The following KIF4A variants were observed in gnomAD, a reference collection of about 807,000 sequenced individuals.
The protein encoded by KIF4A is kinesin family member 4A.
Under a neutral mutation model 105.9 loss-of-function variants are expected in KIF4A, and 7 were observed. The observed-to-expected ratio is 0.07, with a 90% CI of 0.04 to 0.12. The LOEUF (loss-of-function observed/expected upper bound fraction) is 0.12, where lower values mean the gene tolerates loss of function less well. KIF4A is among the 10% of genes least tolerant of loss of function. KIF4A has a pLI of 1.00. For missense variants in KIF4A, 558 were observed against 929.2 expected (o/e 0.60, Z 5.19); for synonymous variants, 281 against 331.3 (o/e 0.85, Z 1.65).
chrX:70,316,401 T>G (rs2085869356), intron 7 of KIF4A, among the ~76,000 whole-genome samples: 1 of 111,278 alleles, frequency 9.0e-6, no homozygotes, highest in African/African-American at 3.3e-5. Context: ...TATCCCTACT[T>G]TTTGTTGTGA....
chrX:70,349,609 C>T lies in KIF4A; in HGVS notation c.1432-2991C>T, dbSNP rs561394843. On this transcript the variant is annotated intron_variant, in intron 13 of 30. Coordinates refer to ENST00000374403, the MANE Select transcript of KIF4A (RefSeq NM_012310.5). ...GCAGAGATGCTCCTCACATCCCAGA[C>T]GGGGTGGTGGCCGGGCAGAGGCGCT... Among the ~76,000 whole-genome samples the T allele has an allele frequency of 8.9e-4, 77 of 86,110 alleles. 2 individuals carry two copies. The South Asian group carries it at 0.048, about 53-fold the overall frequency. The allele number at this position is 86,110 out of a possible 115,157, so 74.8% of individuals were successfully genotyped here.
chrX:70,405,693 G>A, intron 25 of KIF4A, 135 bp from the exon 26 acceptor site: 1 of 482,980 alleles, frequency 2.1e-6, no homozygotes, highest in Admixed American at 3.1e-5. Flanking sequence ...TTTTCTGGGT[G>A]CCAGTGCCTG....
At chrX:70,382,956 G>A (rs757021547) in intron 18 of KIF4A, among the ~76,000 whole-genome samples, 72 of 111,106 alleles carry the variant, frequency 6.5e-4, no homozygotes, top group African/African-American at 2.1e-3. Context: ...AGGCCAAGGC[G>A]GGCGGATCAC....
intron 11 of KIF4A, 66 bp from the exon 12 acceptor site, chrX:70,343,637 A>G (rs1462545248): frequency 4.0e-6 from 4 of 989,666 alleles, no homozygotes; most frequent in African/African-American, 1.9e-5. Context: ...TCATAGGAGT[A>G]GGAGAGCATA....
intron 15 of KIF4A, among the ~76,000 whole-genome samples, chrX:70,357,266 A>G (rs1160011340): frequency 2.7e-5 from 3 of 112,068 alleles, no homozygotes; most frequent in Non-Finnish European, 5.6e-5. Flanking sequence ...GTGAGCCGAG[A>G]TCACGCCACT....
chrX:70,340,222 A>G (rs2085967185), intron 10 of KIF4A, among the ~76,000 whole-genome samples: 1 of 111,916 alleles, frequency 8.9e-6, no homozygotes, highest in Non-Finnish European at 1.9e-5. Context: ...CATAGGGGCT[A>G]TTGGGAGAAC....
chrX:70,401,903 G>A (rs2086283878), intron 22 of KIF4A, among the ~76,000 whole-genome samples: 1 of 111,566 alleles, frequency 9.0e-6, no homozygotes, highest in African/African-American at 3.3e-5. Context: ...TGAAGCACAT[G>A]CTGGTATACT....
At chrX:70,358,569 A>G (rs1017583682) in intron 15 of KIF4A, among the ~76,000 whole-genome samples, 4 of 111,697 alleles carry the variant, frequency 3.6e-5, no homozygotes, top group African/African-American at 1.3e-4. Flanking sequence ...TGCATAGCCC[A>G]TCTCTAAGAA....
intron 18 of KIF4A, among the ~76,000 whole-genome samples, chrX:70,386,294 A>T (rs1392352021): frequency 9.0e-6 from 1 of 111,153 alleles, no homozygotes; most frequent in East Asian, 2.8e-4. Context: ...ATAACTACCT[A>T]TGTGGAAAGG....
chrX:70,375,913 C>T (rs2086173182), intron 17 of KIF4A, among the ~76,000 whole-genome samples, 187 bp from the exon 18 acceptor site: 1 of 111,552 alleles, frequency 9.0e-6, no homozygotes, highest in African/African-American at 3.3e-5. Context: ...ACTTGTATAG[C>T]CTGTACTTGG....
chrX:70,393,212 T>C (rs1027405287), intron 20 of KIF4A, among the ~76,000 whole-genome samples: 1 of 111,427 alleles, frequency 9.0e-6, no homozygotes, highest in Non-Finnish European at 1.9e-5. Context: ...AGAAGTGTTA[T>C]GTAGTTTCCA....
At chrX:70,351,924 AT>A (rs1453741701) in intron 13 of KIF4A, among the ~76,000 whole-genome samples, 4 of 109,454 alleles carry the variant, frequency 3.7e-5, no homozygotes, top group African/African-American at 1.3e-4. Flanking sequence ...CGCCCGGCTA[AT>A]TTTTTTTGTA....
At chrX:70,340,638 A>G (rs1435204082) in intron 10 of KIF4A, among the ~76,000 whole-genome samples, 1 of 111,898 alleles carries the variant, frequency 8.9e-6, no homozygotes, top group Non-Finnish European at 1.9e-5. Context: ...TAAATGCTCA[A>G]CAGTGTAATA....
chrX:70,328,407 A>G (rs1479338811), intron 7 of KIF4A, among the ~76,000 whole-genome samples: 1 of 111,356 alleles, frequency 9.0e-6, no homozygotes, highest in East Asian at 2.8e-4. Context: ...TCAGGCACCA[A>G]TCCCATCCAT....
At chrX:70,374,375 G>A in intron 16 of KIF4A, 121 bp downstream of exon 16, 1 of 430,325 alleles carries the variant, frequency 2.3e-6, no homozygotes, top group Non-Finnish European at 3.9e-6. Flanking sequence ...ATTATGAAGA[G>A]GAAACCTAAA....
intron 15 of KIF4A, among the ~76,000 whole-genome samples, chrX:70,361,101 G>A (rs1030688832): frequency 1.8e-5 from 2 of 112,818 alleles, no homozygotes; most frequent in Admixed American, 1.9e-4. Flanking sequence ...CACAGGTCCC[G>A]TGGGCTCCAG....
chrX:70,373,847 T>C lies in KIF4A; in HGVS notation c.1675-304T>C, dbSNP rs202114300. Among the ~76,000 whole-genome samples the C allele has an allele frequency of 4.5e-3, 162 of 36,395 alleles. 2 individuals carry two copies. The highest frequency in any genetic ancestry group is 0.012 in the Admixed American group (29 of 2,445). 31.6% of individuals were successfully genotyped at this position (36,395 alleles called of 115,157 possible). On this transcript the variant is annotated intron_variant, in intron 15 of 30. Transcript: ENST00000374403. ...ACATGTACACACACACACACACACA[T>C]ACACACACACACACACACACAAACT...
At chrX:70,290,627 G>T in intron 2 of KIF4A, 49 bp downstream of exon 2, 1 of 1,206,675 alleles carries the variant, frequency 8.3e-7, no homozygotes, top group Non-Finnish European at 1.1e-6. Flanking sequence ...GGGCCAAATG[G>T]TAACGAGGGG....
At chrX:70,314,458 G>T (rs1435017108) in intron 7 of KIF4A, among the ~76,000 whole-genome samples, 2 of 112,103 alleles carry the variant, frequency 1.8e-5, no homozygotes, top group African/African-American at 3.2e-5. Flanking sequence ...GATGCCAAGA[G>T]TTGAAGGGAA....
Sources: allele counts gnomAD v4.1 joint callset (sites outside exome capture counted in the v4.1 genomes callset), GRCh38; gene constraint gnomAD v4.1.1; transcripts MANE v1.5; gene names NCBI Gene and HGNC (gene_info 2026-07-23, HGNC 2026-07-21).